ABCC3: variants seen among roughly 807,000 people sequenced by gnomAD.
ABCC3 encodes ATP binding cassette subfamily C member 3, also known as ATP-binding cassette sub-family C member 3.
A neutral mutation model predicts 165.3 loss-of-function variants in ABCC3; 121 were observed. The ratio of observed to expected loss-of-function variants is 0.73; its 90% CI spans 0.63 to 0.85. ABCC3 has a LOEUF of 0.85. Among genes scored for constraint, ABCC3 ranks in the 40% least tolerant of loss-of-function variants. ABCC3 has a pLI of 0.00. For synonymous variants in ABCC3, 733 were observed against 810.1 expected (o/e 0.90, Z 1.62); for missense variants, 1,869 against 1,964.1 (o/e 0.95, Z 0.92).
At chr17:50,635,049 G>T (rs908300530) in intron 1 of ABCC3, 68 bp downstream of exon 1, 1 of 1,241,002 alleles carries the variant, frequency 8.1e-7, no homozygotes. Context: ...GGTCCCCGCC[G>T]CCTGCCTTCC....
chr17:50,674,024 CTCTCTCTCTCTCTT>C lies in ABCC3; in HGVS notation c.2599+370_2599+383del, dbSNP rs1567835691. Among the ~76,000 whole-genome samples, 17 of 29,642 alleles carry C rather than the reference CTCTCTCTCTCTCTT, an allele frequency of 5.7e-4. 4 individuals carry two copies. Among genetic ancestry groups the C allele is most frequent in the African/African-American group, 3.3e-3 (14 of 4,228 alleles). 19.4% of individuals were successfully genotyped at this position (29,642 alleles called of 152,430 possible). Reference sequence around the variant, plus strand: ...TCTCTCTCTCTCTCTCTCTCTCTCTCTCTCTCTCTCTCTTTCTTTCTTTCTTTCTTTCTTTCTTT... The same window carrying C: ...TCTCTCTCTCTCTCTCTCTCTCTCTCTCTTTCTTTCTTTCTTTCTTTCTTT... On this transcript the variant is annotated intron_variant, in intron 19 of 30. Transcript: ENST00000285238.
At chr17:50,672,083 C>A (rs1452792817) in intron 17 of ABCC3, among the ~76,000 whole-genome samples, 3 of 152,100 alleles carry the variant, frequency 2.0e-5, no homozygotes, top group South Asian at 2.1e-4. Flanking sequence ...CCCATTCACG[C>A]ATCAACCTAT....
At chr17:50,678,971 A>C (rs1967881673) in intron 25 of ABCC3, 1 of 152,106 alleles carries the variant, frequency 6.6e-6, no homozygotes, top group African/African-American at 2.4e-5. Context: ...GGGGTGTTGT[A>C]GAAATGATCT....
chr17:50,684,247 A>G, intron 28 of ABCC3, 140 bp downstream of exon 28: 1 of 1,176,164 alleles, frequency 8.5e-7, no homozygotes, highest in East Asian at 2.7e-5. Context: ...AGCAGGAAGC[A>G]GAGCCATCAG....
At chr17:50,675,566 T>C (rs1352011518) in intron 20 of ABCC3, 65 bp from the exon 21 acceptor site, 18 of 1,561,822 alleles carry the variant, frequency 1.2e-5, no homozygotes, top group Non-Finnish European at 1.6e-5. Context: ...TCCCTGACAC[T>C]CCCAGCCTCT....
Position 50,675,911 on chromosome 17 carries a change from C to A in ABCC3, c.2888C>A (p.Ala963Asp). ...TVELSVFWDY[A>D]KAVGLCTTLA... ...GAGCTCAGTGTGTTCTGGGATTATG[C>A]CAAGGCCGTGGGGCTCTGTACCACG... The change falls in exon 22 of 31, where the codon GCC (alanine) becomes GAC (aspartate). Residue 963 changes from alanine (A) to aspartate (D), a missense_variant. By Grantham distance (126) the Ala-to-Asp change is moderately radical. Transcript: ENST00000285238. 6.2e-7 allele frequency: 1 copy of A among 1,614,134 alleles called. No individual in the cohort carries two copies. Among genetic ancestry groups the A allele is most frequent in the Non-Finnish European group, 8.5e-7 (1 of 1,180,028 alleles).
intron 29 of ABCC3, 128 bp downstream of exon 29, chr17:50,685,003 G>A (rs1044881228): frequency 1.4e-5 from 15 of 1,050,138 alleles, no homozygotes; most frequent in African/African-American, 1.3e-4. Flanking sequence ...CTGTCCTTTC[G>A]TATTGAGCAT....
chr17:50,642,753 G>T (rs562584462), intron 1 of ABCC3, among the ~76,000 whole-genome samples: 1 of 152,130 alleles, frequency 6.6e-6, no homozygotes, highest in Non-Finnish European at 1.5e-5. Context: ...CTCCCCACCC[G>T]CCTTACAGAG....
intron 11 of ABCC3, among the ~76,000 whole-genome samples, chr17:50,667,282 C>T (rs1193646491): frequency 6.6e-6 from 1 of 152,014 alleles, no homozygotes; most frequent in Admixed American, 6.6e-5. Context: ...GGAGAAGAAA[C>T]CCAGGGCAGG....
At chr17:50,649,373 A>G (rs1051847106) in intron 1 of ABCC3, among the ~76,000 whole-genome samples, 2 of 152,096 alleles carry the variant, frequency 1.3e-5, no homozygotes, top group Non-Finnish European at 2.9e-5. Context: ...GCATGGTGCA[A>G]TGAGGTGTTT....
Position 50,655,965 on chromosome 17 carries a change from G to A in ABCC3, c.179G>A (p.Cys60Tyr), listed in dbSNP as rs767241920. 2 of 1,614,084 alleles carry A rather than the reference G, an allele frequency of 1.2e-6. No individual in the cohort carries two copies. The highest frequency in any genetic ancestry group is 2.2e-5 in the South Asian group (2 of 91,072). Residue 60 changes from cysteine to tyrosine, a missense_variant, in exon 2 of 31, where the codon TGT (cysteine) becomes TAT (tyrosine). Cys to Tyr is a radical substitution (Grantham distance 194, BLOSUM62 -2). Coordinates refer to ENST00000285238, the MANE Select transcript of ABCC3 (RefSeq NM_003786.4). The part of the protein sequence containing the change: ...PCYLLYLRHH[C>Y]RGYIILSHLS... ...TACTTGCTCTACCTGCGGCACCATT[G>A]TCGTGGCTACATCATCCTCTCCCAC...
Position 50,690,276 on chromosome 17 carries a change from T to C in ABCC3, c.4476-816T>C, listed in dbSNP as rs184093620. Among the ~76,000 whole-genome samples the C allele has an allele frequency of 5.9e-5, 9 of 151,998 alleles. No individual in the cohort carries two copies. The East Asian group carries it at 1.7e-3, about 30-fold the overall frequency. ...AGGACCATGGGAGAGCATTCAGTCCTTACCCAAGAGCAATCAAAAGCCGCT... is the reference window on the plus strand; with the variant it reads ...AGGACCATGGGAGAGCATTCAGTCCCTACCCAAGAGCAATCAAAAGCCGCT... On this transcript the variant is annotated intron_variant, in intron 30 of 30. Transcript: ENST00000285238.
At chr17:50,679,943 C>T (rs759355326) in intron 26 of ABCC3, 44 bp downstream of exon 26, 2 of 1,532,604 alleles carry the variant, frequency 1.3e-6, no homozygotes, top group East Asian at 2.3e-5. Context: ...TCTGAAGTAG[C>T]TGGGGAAGAA....
At chr17:50,636,653 GT>G (rs1211910243) in intron 1 of ABCC3, among the ~76,000 whole-genome samples, 1 of 152,238 alleles carries the variant, frequency 6.6e-6, no homozygotes, top group African/African-American at 2.4e-5. Flanking sequence ...CAAGAGGGTA[GT>G]TGTGCCCAAG....
rs559066746 is a variant in ABCC3, at chr17:50,671,134, T to C, written c.2241+1606T>C. Among the ~76,000 whole-genome samples the C allele has an allele frequency of 4.6e-5, 7 of 152,054 alleles. No individual in the cohort carries two copies. The South Asian group carries it at 1.5e-3, about 32-fold the overall frequency. On this transcript the variant is annotated intron_variant, in intron 17 of 30. Transcript: ENST00000285238. ...AGCCGAGTGTGATGGCGTGTGCCTG[T>C]AGTCCCAGCTACTCAGGAGGCTGAG... is the stretch of plus-strand genomic sequence containing the variant.
intron 2 of ABCC3, among the ~76,000 whole-genome samples, chr17:50,656,429 C>G (rs1967248583): frequency 6.6e-6 from 1 of 152,212 alleles, no homozygotes; most frequent in African/African-American, 2.4e-5. Flanking sequence ...ACTGGGTTCC[C>G]CAGTCTCACC....
Position 50,634,915 on chromosome 17 carries a change from C to T in ABCC3, c.-22C>T, listed in dbSNP as rs902985557. ...GCTGGGTCCGACCGCGCTCGCCTTC[C>T]TTGCAGCCGCGCCTCGGCCCCATGG... On this transcript the variant is annotated 5_prime_UTR_variant, in exon 1 of 31. Transcript: ENST00000285238. 4.8e-6 allele frequency: 6 copies of T among 1,253,852 alleles called. No homozygotes were observed. The highest frequency in any genetic ancestry group is 1.6e-5 in the African/African-American group (1 of 64,382). 77.7% of individuals were successfully genotyped at this position (1,253,852 alleles called of 1,614,324 possible).
chr17:50,656,009 G>A lies in ABCC3; in HGVS notation c.222+1G>A. ...CTCCCACCTGTCCAAGCTCAAGATG[G>A]TCAGTGGCTCAGGGATCTCCTACCG... On this transcript the variant is annotated splice_donor_variant, in intron 2 of 30. Coordinates refer to ENST00000285238, the MANE Select transcript of ABCC3 (RefSeq NM_003786.4). LOFTEE classifies it high-confidence loss of function. The A allele has an allele frequency of 1.2e-6, 2 of 1,613,368 alleles. No individual in the cohort carries two copies. Among genetic ancestry groups the A allele is most frequent in the Non-Finnish European group, 1.7e-6 (2 of 1,179,588 alleles).
intron 1 of ABCC3, among the ~76,000 whole-genome samples, chr17:50,646,081 G>A (rs528293137): frequency 6.6e-6 from 1 of 152,152 alleles, no homozygotes; most frequent in Non-Finnish European, 1.5e-5. Context: ...ATGTCAAAAG[G>A]TGATAGGTGT....
Sources: allele counts gnomAD v4.1 joint callset (sites outside exome capture counted in the v4.1 genomes callset), GRCh38; gene constraint gnomAD v4.1.1; transcripts MANE v1.5; gene names NCBI Gene and HGNC (gene_info 2026-07-23, HGNC 2026-07-21).